Variants in PPP4R2 observed in about 807,000 individuals in gnomAD.
PPP4R2 encodes the protein protein phosphatase 4 regulatory subunit 2.
PPP4R2 carries 13 observed loss-of-function variants against 47.2 expected under a neutral mutation model. That is an observed-to-expected ratio of 0.28 (90% CI 0.18 to 0.44). PPP4R2 has a LOEUF of 0.44. PPP4R2 is among the 20% of genes least tolerant of loss of function. PPP4R2 has a pLI of 1.00. For missense variants in PPP4R2, 421 were observed against 491.2 expected, an observed-to-expected ratio of 0.86 and a Z score of 1.35; for synonymous variants, 151 against 163.3, an observed-to-expected ratio of 0.92 and a Z score of 0.57.
At chr3:73,041,709 T>C (rs1702383373) in intron 2 of PPP4R2, among the ~76,000 whole-genome samples, 1 of 152,234 alleles carries the variant, frequency 6.6e-6, no homozygotes, top group Non-Finnish European at 1.5e-5. Flanking sequence ...TTGTGTGCAA[T>C]GCAGATAGGC....
chr3:73,018,427 T>TGTTAC, intron 2 of PPP4R2, among the ~76,000 whole-genome samples: 1 of 98,582 alleles, frequency 1.0e-5, no homozygotes, highest in Non-Finnish European at 2.1e-5. Context: ...TGTTATGTTA[T>TGTTAC]GTTATGTTAT....
At chr3:73,040,429 G>GT (rs1294843711) in intron 2 of PPP4R2, among the ~76,000 whole-genome samples, 1 of 151,460 alleles carries the variant, frequency 6.6e-6, no homozygotes, top group Non-Finnish European at 1.5e-5. Context: ...TGCCTACAGG[G>GT]TTTATTATTA....
intron 2 of PPP4R2, among the ~76,000 whole-genome samples, chr3:73,022,676 A>G (rs987508287): frequency 6.6e-6 from 1 of 151,922 alleles, no homozygotes; most frequent in Non-Finnish European, 1.5e-5. Context: ...AATAAATATC[A>G]TCATTATGTT....
At chr3:73,050,107 GT>G (rs1360185390) in intron 3 of PPP4R2, among the ~76,000 whole-genome samples, 2 of 151,588 alleles carry the variant, frequency 1.3e-5, no homozygotes, top group East Asian at 1.9e-4. Flanking sequence ...ACCCAGCTAT[GT>G]TTTTTTTGTT....
chr3:73,000,836 A>G (rs1701443626), intron 2 of PPP4R2, among the ~76,000 whole-genome samples: 2 of 152,226 alleles, frequency 1.3e-5, no homozygotes, highest in Admixed American at 1.3e-4. Flanking sequence ...CTGAATAAAC[A>G]GGAACATATG....
intron 2 of PPP4R2, among the ~76,000 whole-genome samples, chr3:73,039,831 C>A (rs1463746368): frequency 6.6e-6 from 1 of 152,148 alleles, no homozygotes; most frequent in Non-Finnish European, 1.5e-5. Context: ...GGCGGCGAAT[C>A]ACCTGAAGTG....
intron 5 of PPP4R2, chr3:73,061,790 TA>T: frequency 3.1e-6 from 1 of 326,094 alleles, no homozygotes; most frequent in Non-Finnish European, 5.7e-6. Flanking sequence ...ACTGCAGCCT[TA>T]AACTCTAGTG....
At chr3:73,044,356 G>A (rs1315772348) in intron 2 of PPP4R2, among the ~76,000 whole-genome samples, 1 of 152,134 alleles carries the variant, frequency 6.6e-6, no homozygotes, top group Non-Finnish European at 1.5e-5. Context: ...GGAGGCTGAG[G>A]TGGGCTGATC....
chr3:73,045,240 T>C (rs559476732), intron 2 of PPP4R2, among the ~76,000 whole-genome samples: 1 of 152,284 alleles, frequency 6.6e-6, no homozygotes, highest in African/African-American at 2.4e-5. Flanking sequence ...TGGGCCCAAG[T>C]GATCTTCCTG....
intron 3 of PPP4R2, among the ~76,000 whole-genome samples, chr3:73,054,821 TTA>T (rs1040156537): frequency 1.3e-5 from 2 of 152,172 alleles, no homozygotes; most frequent in Non-Finnish European, 2.9e-5. Context: ...CTTAGTACTT[TTA>T]TAGAAATTTA....
chr3:73,049,130 A>G (rs971968736), intron 3 of PPP4R2, among the ~76,000 whole-genome samples: 7 of 152,256 alleles, frequency 4.6e-5, no homozygotes, highest in African/African-American at 1.7e-4. Context: ...TATCCAAGAA[A>G]TAGCCACATG....
chr3:73,063,796 T>C (rs202036207), intron 6 of PPP4R2, 49 bp downstream of exon 6: 1 of 1,312,402 alleles, frequency 7.6e-7, no homozygotes, highest in East Asian at 2.3e-5. Flanking sequence ...TGTCCTGATT[T>C]TGAGTAGCAG....
chr3:73,036,150 A>G (rs1702256953), intron 2 of PPP4R2, among the ~76,000 whole-genome samples: 1 of 152,214 alleles, frequency 6.6e-6, no homozygotes, highest in South Asian at 2.1e-4. Flanking sequence ...AGGCACAGAA[A>G]GACAAATATC....
chr3:73,027,216 T>C (rs536525157), intron 2 of PPP4R2, among the ~76,000 whole-genome samples: 1 of 152,338 alleles, frequency 6.6e-6, no homozygotes, highest in African/African-American at 2.4e-5. Flanking sequence ...AACCTCCACC[T>C]CCCAGGTTGA....
chr3:73,002,051 C>G (rs748190250), intron 2 of PPP4R2, among the ~76,000 whole-genome samples: 5 of 152,072 alleles, frequency 3.3e-5, no homozygotes, highest in Non-Finnish European at 5.9e-5. Context: ...AGACTCTTAC[C>G]TTTGTGAGAT....
intron 2 of PPP4R2, among the ~76,000 whole-genome samples, chr3:73,021,880 G>GTGTATATA (rs1370167478): frequency 3.7e-5 from 5 of 135,342 alleles, no homozygotes; most frequent in African/African-American, 1.4e-4. Flanking sequence ...GTGTGTGTGT[G>GTGTATATA]TATATATGCA....
At chr3:73,039,710 C>G (rs912476824) in intron 2 of PPP4R2, among the ~76,000 whole-genome samples, 3 of 152,042 alleles carry the variant, frequency 2.0e-5, no homozygotes, top group African/African-American at 7.3e-5. Context: ...TCCACATCCT[C>G]CAGTACAAAG....
At chr3:72,997,959 T>G in intron 1 of PPP4R2, 118 bp from the exon 2 acceptor site, 1 of 744,398 alleles carries the variant, frequency 1.3e-6, no homozygotes, top group Non-Finnish European at 2.3e-6. Context: ...TTGAGAGGCC[T>G]TATTTTTTTA....
chr3:73,026,367 T>G (rs972087871), intron 2 of PPP4R2, among the ~76,000 whole-genome samples: 5 of 152,186 alleles, frequency 3.3e-5, no homozygotes, highest in African/African-American at 9.6e-5. Flanking sequence ...TGCTCTTGAC[T>G]TTGTGCTCAT....
Sources: gnomAD v4.1 joint callset for allele counts (sites outside exome capture counted in the v4.1 genomes callset) on GRCh38, gnomAD v4.1.1 for gene constraint, MANE v1.5 for transcripts, NCBI Gene and HGNC (gene_info 2026-07-23, HGNC 2026-07-21) for gene names.